The following TSEN15 variants were observed in gnomAD, a reference collection of about 807,000 sequenced individuals.
TSEN15 encodes the protein tRNA-splicing endonuclease subunit Sen15.
In TSEN15, 10 loss-of-function variants were observed where a neutral mutation model predicts 20.5. That is an observed-to-expected ratio of 0.49 (90% confidence interval 0.30 to 0.83). The LOEUF (loss-of-function observed/expected upper bound fraction) is 0.83. TSEN15 is among the 40% of genes least tolerant of loss of function. The pLI is 0.06. For missense variants in TSEN15, 180 were observed against 218.6 expected, an observed-to-expected ratio of 0.82 and a Z score of 1.11; for synonymous variants, 72 against 80.1, an observed-to-expected ratio of 0.90 and a Z score of 0.54.
chr1:184,088,702 T>A (rs1252276201), intron 3 of TSEN15, among the ~76,000 whole-genome samples: 1 of 123,066 alleles, frequency 8.1e-6, no homozygotes, highest in Non-Finnish European at 1.8e-5. Context: ...TTACATTTCC[T>A]ATTGTAACCT....
chr1:184,089,809 A>G (rs1470975283), intron 3 of TSEN15, among the ~76,000 whole-genome samples: 1 of 152,096 alleles, frequency 6.6e-6, no homozygotes. Context: ...TTTCATGTGC[A>G]TTTCCCTTGG....
At chr1:184,080,185 T>G (rs1371111491) in intron 3 of TSEN15, among the ~76,000 whole-genome samples, 1 of 152,182 alleles carries the variant, frequency 6.6e-6, no homozygotes, top group Non-Finnish European at 1.5e-5. Flanking sequence ...CAACATTATA[T>G]ATAAATGCAA....
chr1:184,059,571 T>G (rs1650369892), intron 3 of TSEN15, among the ~76,000 whole-genome samples: 1 of 152,144 alleles, frequency 6.6e-6, no homozygotes, highest in Admixed American at 6.5e-5. Flanking sequence ...TGTATACCTT[T>G]ATACCTTCTT....
downstream of TSEN15, among the ~76,000 whole-genome samples, chr1:184,074,403 ACT>A (rs1198495707): frequency 6.6e-6 from 1 of 152,134 alleles, no homozygotes; most frequent in Non-Finnish European, 1.5e-5. Flanking sequence ...CTGAGACTTG[ACT>A]GGGGAAGGGT....
At position 184,053,659 on chromosome 1, in the gene TSEN15, G is replaced by A. The variant is rs547065663; in HGVS notation, c.136-695G>A. Among the ~76,000 whole-genome samples the A allele has an allele frequency of 7.7e-4, 117 of 152,292 alleles. 2 individuals are homozygous for A. In the South Asian group the frequency reaches 0.015, roughly 20 times the overall value. On this transcript the variant is annotated intron_variant, in intron 1 of 4. Coordinates refer to ENST00000645668, the MANE Select transcript of TSEN15 (RefSeq NM_052965.4). ...TGGGCAGCCTCAGAATTCTCCTGCA[G>A]GTGTAGGCCCCTGAAAAGTATTCCC...
Position 184,073,016 on chromosome 1 carries a change from T to G in TSEN15, c.*169T>G. 1 of 612,326 alleles carries G rather than the reference T, an allele frequency of 1.6e-6. No homozygotes were observed. The highest frequency in any genetic ancestry group is 2.8e-6 in the Non-Finnish European group (1 of 356,338). The allele number at this position is 612,326 out of a possible 1,614,324, so 37.9% of individuals were successfully genotyped here. A position where few individuals can be genotyped will look rare whatever the true frequency, so the allele number is the denominator to read the frequency against. On this transcript the variant is annotated 3_prime_UTR_variant, in exon 5 of 5. Transcript: ENST00000645668. ...AGTAAAACTTCCCCAGGTAGAAGAC[T>G]TTCTCCTTCTTAAAAAATATAGGGT...
chr1:184,083,492 C>G (rs1312305336), intron 3 of TSEN15, among the ~76,000 whole-genome samples: 1 of 152,128 alleles, frequency 6.6e-6, no homozygotes, highest in East Asian at 1.9e-4. Context: ...GAAATGAAGG[C>G]ATGTAAACAC....
intron 1 of TSEN15, among the ~76,000 whole-genome samples, chr1:184,052,696 T>C (rs1650098967): frequency 6.6e-6 from 1 of 152,186 alleles, no homozygotes; most frequent in South Asian, 2.1e-4. Context: ...CTTTTTCAGC[T>C]TCTCTTGCTT....
chr1:184,096,031 G>C, exon 4 of TSEN15: 2 of 299,612 alleles, frequency 6.7e-6, no homozygotes, highest in Middle Eastern at 9.3e-4. Flanking sequence ...TTCTGGGGGA[G>C]AGAGGAAGAA....
chr1:184,051,955 C>G lies in TSEN15; in HGVS notation c.135+65C>G, dbSNP rs1650067249. On this transcript the variant is annotated intron_variant, in intron 1 of 4. Transcript: ENST00000645668. ...CTAACCCAGGCAGAACACTCCCAGG[C>G]AGCTCTCTTTCTTTCTTCCTCAGTG... The G allele has an allele frequency of 6.7e-6, 9 of 1,353,132 alleles. No homozygotes were observed. The South Asian group carries it at 1.5e-4, about 22-fold the overall frequency. The allele number at this position is 1,353,132 out of a possible 1,614,324, so 83.8% of individuals were successfully genotyped here. A position where few individuals can be genotyped will look rare whatever the true frequency, so the allele number is the denominator to read the frequency against.
chr1:184,061,550 A>G (rs1650455228), intron 3 of TSEN15, among the ~76,000 whole-genome samples: 1 of 152,192 alleles, frequency 6.6e-6, no homozygotes, highest in Non-Finnish European at 1.5e-5. Flanking sequence ...TCATTTACAT[A>G]GTTAACTACA....
intron 3 of TSEN15, chr1:184,094,859 G>C: frequency 2.5e-6 from 1 of 394,798 alleles, no homozygotes; most frequent in Non-Finnish European, 4.5e-6. Flanking sequence ...ATAAGAGGTG[G>C]GTCACCATCA....
chr1:184,096,020 C>A, exon 4 of TSEN15: 1 of 316,790 alleles, frequency 3.2e-6, no homozygotes, highest in Non-Finnish European at 5.7e-6. Flanking sequence ...AACACCCACC[C>A]TTCTGGGGGA....
chr1:184,060,692 C>T (rs146880400), intron 3 of TSEN15, among the ~76,000 whole-genome samples: 6 of 152,272 alleles, frequency 3.9e-5, no homozygotes, highest in East Asian at 1.9e-4. Context: ...ACTTTACATA[C>T]AAAAAGCTGA....
At chr1:184,081,010 T>C (rs1159983102) in intron 3 of TSEN15, among the ~76,000 whole-genome samples, 4 of 152,192 alleles carry the variant, frequency 2.6e-5, no homozygotes, top group Admixed American at 1.3e-4. Context: ...ATTCCAAATA[T>C]GTTATTATTA....
chr1:184,054,886 A>G, intron 3 of TSEN15, 23 bp downstream of exon 3: 1 of 1,603,072 alleles, frequency 6.2e-7, no homozygotes, highest in Non-Finnish European at 8.5e-7. Flanking sequence ...TTTTGGTCTA[A>G]GTTCCTTTCC....
At position 184,051,878 on chromosome 1, in the gene TSEN15, C is replaced by T. The variant is rs1650060984; in HGVS notation, c.123C>T (p.Gly41=). 2 of 1,553,470 alleles carry T rather than the reference C, an allele frequency of 1.3e-6. No individual in the cohort carries two copies. Among genetic ancestry groups the T allele is most frequent in the Non-Finnish European group, 1.7e-6 (2 of 1,149,752 alleles). Residue 41 remains glycine (G), a synonymous_variant, in exon 1 of 5, where the codon GGC becomes GGT. Transcript: ENST00000645668. ...PSWAPEDAWM[G]THPKYLEMME... is the part of the protein sequence containing the mutation. ...GGGCCCCTGAGGACGCCTGGATGGG[C>T]ACTCACCCTAAGGTCAGGAGGCGCG...
At chr1:184,082,218 C>T (rs1651183705) in intron 3 of TSEN15, among the ~76,000 whole-genome samples, 1 of 152,144 alleles carries the variant, frequency 6.6e-6, no homozygotes, top group South Asian at 2.1e-4. Flanking sequence ...TAGGGTTTCT[C>T]ATCAGTCACA....
intron 3 of TSEN15, among the ~76,000 whole-genome samples, chr1:184,086,275 G>T (rs1310184566): frequency 6.6e-6 from 1 of 152,152 alleles, no homozygotes; most frequent in Non-Finnish European, 1.5e-5. Flanking sequence ...CTGATGAAAG[G>T]CTTCATAAAG....
Sources: gnomAD v4.1 joint callset for allele counts (sites outside exome capture counted in the v4.1 genomes callset) on GRCh38, gnomAD v4.1.1 for gene constraint, MANE v1.5 for transcripts, NCBI Gene and HGNC (gene_info 2026-07-23, HGNC 2026-07-21) for gene names.